MYT1L: variants seen among roughly 807,000 people sequenced by gnomAD.
MYT1L encodes myelin transcription factor 1-like protein.
A neutral mutation model predicts 126.7 loss-of-function variants in MYT1L; 12 were observed. That is an observed-to-expected ratio of 0.09 (90% confidence interval 0.06 to 0.15). The LOEUF (loss-of-function observed/expected upper bound fraction) is 0.15. Ranked by LOEUF, MYT1L falls within the 10% of genes least tolerant of loss-of-function variation. MYT1L has a pLI of 1.00. For synonymous variants in MYT1L, 541 were observed against 604.2 expected, an observed-to-expected ratio of 0.90 and a Z score of 1.53; for missense variants, 979 against 1,585.2, an observed-to-expected ratio of 0.62 and a Z score of 6.49.
intron 18 of MYT1L, among the ~76,000 whole-genome samples, chr2:1,860,486 G>T (rs767426225): frequency 2.6e-5 from 4 of 152,218 alleles, no homozygotes; most frequent in Non-Finnish European, 4.4e-5. Flanking sequence ...ACCTCACTCA[G>T]GGCTGGGATG....
At chr2:2,089,349 C>T (rs1036270648) in intron 3 of MYT1L, among the ~76,000 whole-genome samples, 1 of 152,150 alleles carries the variant, frequency 6.6e-6, no homozygotes, top group Admixed American at 6.5e-5. Flanking sequence ...TGCTATTGTA[C>T]CGAAAACTGC....
In MYT1L at chr2:1,936,647, C is replaced by T. The variant is rs184241039; in HGVS notation, c.505+6335G>A. Among the ~76,000 whole-genome samples the T allele has an allele frequency of 5.9e-3, 905 of 152,306 alleles. 7 individuals carry two copies. The highest frequency in any genetic ancestry group is 0.021 in the African/African-American group (854 of 41,558). On this transcript the variant is annotated intron_variant, in intron 9 of 24. Transcript: ENST00000647738. ...CCTTTTCTGCTGACTGCAGTGAAAA[C>T]TGGTTGGCTAATTCTGCTTTTCACA...
chr2:2,219,895 T>C (rs1470497480), intron 2 of MYT1L, among the ~76,000 whole-genome samples: 1 of 145,612 alleles, frequency 6.9e-6, no homozygotes, highest in Non-Finnish European at 1.5e-5. Flanking sequence ...GAAATTAAAT[T>C]TATGTTCAAG....
intron 2 of MYT1L, among the ~76,000 whole-genome samples, chr2:2,212,399 C>T (rs865875242): frequency 5.9e-5 from 9 of 152,092 alleles, no homozygotes; most frequent in African/African-American, 1.9e-4. Context: ...TAATAAAAAG[C>T]ATGAATAACT....
At chr2:1,994,318 C>T (rs375813580) in intron 5 of MYT1L, among the ~76,000 whole-genome samples, 6 of 145,684 alleles carry the variant, frequency 4.1e-5, no homozygotes, top group South Asian at 4.7e-4. Flanking sequence ...CCCTGGTTCA[C>T]GCCCTGCTCC....
In MYT1L at chr2:2,217,690, ACAACAACAACAAC is replaced by A. The variant is rs1327858393; in HGVS notation, c.-420-44715_-420-44703del. Among the ~76,000 whole-genome samples, 186 of 112,424 alleles carry A rather than the reference ACAACAACAACAAC, an allele frequency of 1.7e-3. 7 individuals are homozygous for A. Among genetic ancestry groups the A allele is most frequent in the African/African-American group, 4.3e-3 (108 of 24,866 alleles). The allele number at this position is 112,424 out of a possible 152,430, so 73.8% of individuals were successfully genotyped here. ...CATCTCAACAACAACAACAACAACA[ACAACAACAACAAC>A]AACAAAAAAAAAAAAAGAAAGAAGG... is the stretch of plus-strand genomic sequence containing the variant. On this transcript the variant is annotated intron_variant, in intron 2 of 24. Transcript: ENST00000647738.
At chr2:2,084,919 G>A (rs1187850386) in intron 3 of MYT1L, among the ~76,000 whole-genome samples, 1 of 152,196 alleles carries the variant, frequency 6.6e-6, no homozygotes, top group East Asian at 1.9e-4. Flanking sequence ...TGTGCACTCA[G>A]CGCAGCCATG....
chr2:1,881,197 C>A (rs2148792941), intron 18 of MYT1L, among the ~76,000 whole-genome samples: 1 of 152,282 alleles, frequency 6.6e-6, no homozygotes, highest in Non-Finnish European at 1.5e-5. Flanking sequence ...CCACTTGTAG[C>A]CTCTTCCACT....
intron 18 of MYT1L, among the ~76,000 whole-genome samples, chr2:1,883,496 G>T (rs1462192954): frequency 1.3e-5 from 2 of 152,196 alleles, no homozygotes; most frequent in Non-Finnish European, 2.9e-5. Flanking sequence ...GTCACGAGAA[G>T]AAACTTTTCT....
rs778926184 is a variant in MYT1L, at chr2:1,917,337, G to A, written c.1486C>T (p.Pro496Ser). ...HVKKPYYGKD[P>S]SRTEKKESKC... ...CTCTCTTTCTTTTCTGTTCTTGAGG[G>A]ATCTAAAAGCGACAACAGGTGCCAA... is the stretch of plus-strand genomic sequence containing the variant. Residue 496 changes from proline (P) to serine (S), a missense_variant and splice_region_variant, in exon 11 of 25, where the codon CCC becomes TCC. Around this residue, in one of 12 missense-constraint regions of MYT1L, gnomAD observed 67 missense variants for 80.3 expected, o/e 0.83. Coordinates refer to ENST00000647738, the MANE Select transcript of MYT1L (RefSeq NM_001303052.2). This position sits in a 1 kb window ranked among gnomAD's most constrained non-coding sequence, Gnocchi z 5.9. The A allele has an allele frequency of 1.9e-6, 3 of 1,604,052 alleles. No homozygotes were observed. Among genetic ancestry groups the A allele is most frequent in the Non-Finnish European group, 2.6e-6 (3 of 1,173,514 alleles).
intron 9 of MYT1L, among the ~76,000 whole-genome samples, chr2:1,934,129 C>T (rs1010810856): frequency 2.1e-5 from 3 of 142,526 alleles, no homozygotes; most frequent in South Asian, 2.2e-4. Flanking sequence ...CACCCGCCAC[C>T]ACGCCTGGCT....
Position 1,860,158 on chromosome 2 carries a change from G to A in MYT1L, c.2712-8455C>T, listed in dbSNP as rs1283975654. 3.9e-5 allele frequency among the ~76,000 whole-genome samples: 6 copies of A among 152,192 alleles called. No homozygotes were observed. The South Asian group carries it at 6.2e-4, about 16-fold the overall frequency. On this transcript the variant is annotated intron_variant, in intron 18 of 24. Coordinates refer to ENST00000647738, the MANE Select transcript of MYT1L (RefSeq NM_001303052.2). ...AGGCTCCTGTCCAGTGCGGCAGAACGTACCTAGCACATCCTGACGTCCCAT... is the reference window on the plus strand; with the variant it reads ...AGGCTCCTGTCCAGTGCGGCAGAACATACCTAGCACATCCTGACGTCCCAT...
chr2:2,126,223 G>A (rs2081670512), intron 3 of MYT1L, among the ~76,000 whole-genome samples: 2 of 152,134 alleles, frequency 1.3e-5, no homozygotes, highest in African/African-American at 4.8e-5. Context: ...TGCCTTTTTA[G>A]GGGATTATTT....
chr2:2,279,577 G>A lies in MYT1L; in HGVS notation c.-421+4827C>T, dbSNP rs7579009. Among the ~76,000 whole-genome samples, 987 of 139,230 alleles carry A rather than the reference G, an allele frequency of 7.1e-3. 16 individuals are homozygous for A. The highest frequency in any genetic ancestry group is 0.021 in the African/African-American group (762 of 36,334). The allele number at this position is 139,230 out of a possible 152,430, so 91.3% of individuals were successfully genotyped here. On this transcript the variant is annotated intron_variant, in intron 2 of 24. Coordinates refer to ENST00000647738, the MANE Select transcript of MYT1L (RefSeq NM_001303052.2). ...AGAAGGAATGAATGAATGAAGGAAG[G>A]AAGGAAGGAAGGAAGGAAGGAAGGA...
intron 18 of MYT1L, among the ~76,000 whole-genome samples, chr2:1,869,481 A>G (rs905435836): frequency 6.6e-6 from 1 of 152,210 alleles, no homozygotes; most frequent in African/African-American, 2.4e-5. Context: ...GTGTGCCTGC[A>G]TGTGGTCGGT....
chr2:1,792,411 A>G lies in MYT1L; in HGVS notation c.3330T>C (p.Ile1110=). The stretch of plus-strand genomic sequence containing the variant: ...GGAGGAGAGACTCGTTCTGCTGCTC[A>G]ATCACTTTGTTCTCCTCTTCGATGG... ...LKTIEEENKV[I]EQQNESLLHE... The change falls in exon 24 of 25, where the codon ATT becomes ATC. Residue 1110 remains isoleucine (I), a synonymous_variant. Transcript: ENST00000647738. 6.2e-7 allele frequency: 1 copy of G among 1,613,740 alleles called. No homozygotes were observed. Among genetic ancestry groups the G allele is most frequent in the Non-Finnish European group, 8.5e-7 (1 of 1,179,800 alleles).
At chr2:2,004,833 TTCTTTCCTGCATGCGC>T (rs1278170338) in intron 4 of MYT1L, among the ~76,000 whole-genome samples, 16 of 151,088 alleles carry the variant, frequency 1.1e-4, no homozygotes, top group East Asian at 2.0e-4. Flanking sequence ...CCTGCATGTG[TTCTTTCCTGCATGCGC>T]TCTTTCCTGC....
intron 3 of MYT1L, among the ~76,000 whole-genome samples, chr2:2,136,728 GT>G (rs11323481): frequency 0.37 from 55,644 of 151,900 alleles, 10,799 homozygotes; most frequent in African/African-American, 0.51. Context: ...CGTGAGGCTT[GT>G]TTATACTGAA....
intron 2 of MYT1L, among the ~76,000 whole-genome samples, chr2:2,216,317 C>T (rs541867253): frequency 1.3e-4 from 20 of 152,180 alleles, no homozygotes; most frequent in African/African-American, 3.9e-4. Flanking sequence ...GTACATGTTT[C>T]GACCACAGTG....
Sources: gnomAD v4.1 joint callset for allele counts (sites outside exome capture counted in the v4.1 genomes callset) on GRCh38, gnomAD v4.1.1 for gene constraint, gnomAD v4.1.1 regional missense constraint, Gnocchi (gnomAD v3.1) non-coding constraint, MANE v1.5 for transcripts, NCBI Gene and HGNC (gene_info 2026-07-23, HGNC 2026-07-21) for gene names.